SRC: variants seen among roughly 807,000 people sequenced by gnomAD.
SRC encodes proto-oncogene tyrosine-protein kinase Src.
Under a neutral mutation model 62.9 loss-of-function variants are expected in SRC, and 13 were observed. The observed-to-expected ratio is 0.21, with a 90% CI of 0.13 to 0.33. The LOEUF is 0.33. SRC is among the 10% of genes least tolerant of loss of function. The pLI is 1.00. For synonymous variants in SRC, 302 were observed against 317.5 expected (o/e 0.95, Z 0.52); for missense variants, 457 against 737.3 (o/e 0.62, Z 4.40).
intron 2 of SRC, among the ~76,000 whole-genome samples, chr20:37,368,518 CTTTTTTTTTTTTTT>C (rs1352624429): frequency 0.027 from 1,991 of 73,952 alleles, 42 homozygotes; most frequent in African/African-American, 0.061. Context: ...CCTATATTTT[CTTTTTTTTTTTTTT>C]TTTTTTTTTT....
rs1194324702 is a variant in SRC at position 37,384,718 on chromosome 20, G to T, written c.250+315G>T. 6.7e-6 allele frequency among the ~76,000 whole-genome samples: 1 copy of T among 150,262 alleles called. No homozygotes were observed. Among genetic ancestry groups the T allele is most frequent in the African/African-American group, 2.5e-5 (1 of 40,646 alleles). ...GGGCCTGTTGCTGCCTTGGCGCCCA[G>T]TCCTTTTTCGTTGCCTGGGTCCGCC... On this transcript the variant is annotated intron_variant, in intron 4 of 13. Coordinates refer to ENST00000373578, the MANE Select transcript of SRC (RefSeq NM_198291.3). The surrounding 1 kb of genome is among the most constrained non-coding windows in gnomAD (Gnocchi z 6.7).
Position 37,396,033 on chromosome 20 carries a change from AG to A in SRC, c.554-126del, listed in dbSNP as rs1317330907. 37 of 1,329,486 alleles carry A rather than the reference AG, an allele frequency of 2.8e-5. No individual in the cohort carries two copies. The highest frequency in any genetic ancestry group is 3.6e-5 in the Non-Finnish European group (35 of 982,652). The allele number at this position is 1,329,486 out of a possible 1,614,324, so 82.4% of individuals were successfully genotyped here. On this transcript the variant is annotated intron_variant, in intron 7 of 13. Coordinates refer to ENST00000373578, the MANE Select transcript of SRC (RefSeq NM_198291.3). The surrounding 1 kb of genome is among the most constrained non-coding windows in gnomAD (Gnocchi z 6.1). ...GCCCCGGGGCTGGCTGTTGAGAGAC[AG>A]GGTGGGCCTGGGGCCCCGCCTGGGC...
Position 37,394,243 on chromosome 20 carries a change from G to A in SRC, c.519G>A (p.Gly173=), listed in dbSNP as rs756152707. The change falls in exon 7 of 14, where the codon GGG becomes GGA. Residue 173 remains glycine (G), a synonymous_variant. Transcript: ENST00000373578. ...TGCTCAATGCAGAGAACCCGAGAGGGACCTTCCTCGTGCGAGAAAGTGAGA... is the reference window on the plus strand; with the variant it reads ...TGCTCAATGCAGAGAACCCGAGAGGAACCTTCCTCGTGCGAGAAAGTGAGA... ...RLLLNAENPR[G]TFLVRESETT... The A allele has an allele frequency of 5.6e-6, 9 of 1,614,056 alleles. No homozygotes were observed. In the South Asian group the frequency reaches 7.7e-5, roughly 14 times the overall value.
intron 2 of SRC, among the ~76,000 whole-genome samples, chr20:37,372,401 G>A (rs1022562206): frequency 3.3e-5 from 5 of 152,136 alleles, no homozygotes; most frequent in African/African-American, 9.7e-5. Flanking sequence ...TCATCTCAAA[G>A]TATTTTCTAA....
At chr20:37,368,003 A>G (rs781153491) in intron 2 of SRC, among the ~76,000 whole-genome samples, 4 of 152,096 alleles carry the variant, frequency 2.6e-5, no homozygotes, top group Admixed American at 6.6e-5. Flanking sequence ...ATTTTCTCCT[A>G]TTCTGTGGGT....
chr20:37,373,039 T>C (rs1201751163), intron 2 of SRC, among the ~76,000 whole-genome samples: 3 of 151,852 alleles, frequency 2.0e-5, no homozygotes, highest in South Asian at 2.1e-4. Flanking sequence ...TATATACACA[T>C]ATACACATAT....
intron 1 of SRC, among the ~76,000 whole-genome samples, chr20:37,358,291 G>A (rs1489292993): frequency 2.6e-5 from 4 of 152,294 alleles, no homozygotes; most frequent in South Asian, 2.1e-4. Context: ...GTGTGGGCCC[G>A]GGCTCTGGCC....
chr20:37,384,547 G>GA lies in SRC; in HGVS notation c.250+144_250+145insA, dbSNP rs2070418589. The GA allele has an allele frequency of 1.3e-5, 12 of 958,518 alleles. No homozygotes were observed. The African/African-American group carries it at 1.8e-4, about 14-fold the overall frequency. The allele number at this position is 958,518 out of a possible 1,614,324, so 59.4% of individuals were successfully genotyped here. ...CCCCTGGGTGACTTGGGTGTCCGGG[G>GA]GGTGGGGGGGCGGCCGTACACACTG... On this transcript the variant is annotated intron_variant, in intron 4 of 13. Coordinates refer to ENST00000373578, the MANE Select transcript of SRC (RefSeq NM_198291.3). The surrounding 1 kb of genome is among the most constrained non-coding windows in gnomAD (Gnocchi z 6.7).
At chr20:37,355,580 T>A (rs1457747841) in intron 1 of SRC, among the ~76,000 whole-genome samples, 2 of 152,118 alleles carry the variant, frequency 1.3e-5, no homozygotes, top group African/African-American at 4.8e-5. Flanking sequence ...ACCCTGAGGA[T>A]GTACTTGGGA....
chr20:37,345,078 A>T (rs569030005), upstream of SRC, among the ~76,000 whole-genome samples: 32 of 152,238 alleles, frequency 2.1e-4, no homozygotes, highest in African/African-American at 7.2e-4. Context: ...CTCAGCAGGG[A>T]CCTTTGCCCA....
At chr20:37,372,287 C>T (rs920332264) in intron 2 of SRC, among the ~76,000 whole-genome samples, 13 of 152,278 alleles carry the variant, frequency 8.5e-5, no homozygotes, top group South Asian at 2.1e-4. Context: ...CACATCTAGA[C>T]GGTTTCCTTT....
chr20:37,349,517 G>A (rs1046738247), intron 1 of SRC, among the ~76,000 whole-genome samples: 1 of 152,192 alleles, frequency 6.6e-6, no homozygotes, highest in East Asian at 1.9e-4. Context: ...TCATGAAAAT[G>A]GGGACAACAG....
At position 37,396,364 on chromosome 20, in the gene SRC, C is replaced by T. The variant is rs568291704; in HGVS notation, c.703+53C>T. 6 of 1,601,732 alleles carry T rather than the reference C, an allele frequency of 3.7e-6. No individual in the cohort carries two copies. In the Admixed American group the frequency reaches 1.0e-4, roughly 27 times the overall value. ...GGGCGGGCAAAGCCTCAGCTGCAGACTCTGGGGAGGGGCCTTGGAGCCTAG... is the reference window on the plus strand; with the variant it reads ...GGGCGGGCAAAGCCTCAGCTGCAGATTCTGGGGAGGGGCCTTGGAGCCTAG... On this transcript the variant is annotated intron_variant, in intron 8 of 13. Transcript: ENST00000373578. The surrounding 1 kb of genome is among the most constrained non-coding windows in gnomAD (Gnocchi z 6.1).
Position 37,396,340 on chromosome 20 carries a change from G to A in SRC, c.703+29G>A. The A allele has an allele frequency of 6.2e-7, 1 of 1,610,102 alleles. No individual in the cohort carries two copies. The highest frequency in any genetic ancestry group is 1.3e-5 in the African/African-American group (1 of 75,040). On this transcript the variant is annotated intron_variant, in intron 8 of 13. Transcript: ENST00000373578. This position sits in a 1 kb window ranked among gnomAD's most constrained non-coding sequence, Gnocchi z 6.1. The stretch of plus-strand genomic sequence containing the variant: ...AGCCAGCCTCGGAGGGCGGAGGGCG[G>A]GCGGGCAAAGCCTCAGCTGCAGACT...
chr20:37,395,119 C>T (rs986972063), intron 7 of SRC, among the ~76,000 whole-genome samples: 2 of 152,190 alleles, frequency 1.3e-5, no homozygotes, highest in East Asian at 1.9e-4. Context: ...CATGCACCCT[C>T]CCGGGCCATC....
rs2070656335 is a variant in SRC, at chr20:37,396,624, G to A, written c.703+313G>A. 1 of 416,754 alleles carries A rather than the reference G, an allele frequency of 2.4e-6. No individual in the cohort carries two copies. The highest frequency in any genetic ancestry group is 4.4e-6 in the Non-Finnish European group (1 of 225,832). 25.8% of individuals were successfully genotyped at this position (416,754 alleles called of 1,614,324 possible). On this transcript the variant is annotated intron_variant, in intron 8 of 13. Transcript: ENST00000373578. The surrounding 1 kb of genome is among the most constrained non-coding windows in gnomAD (Gnocchi z 6.1). ...CCCTGAGGAGCCCCAGAGTAAGCTGGAAGGGAGGGGACAGAGGCTGGTGTC... is the reference window on the plus strand; with the variant it reads ...CCCTGAGGAGCCCCAGAGTAAGCTGAAAGGGAGGGGACAGAGGCTGGTGTC...
Position 37,404,880 on chromosome 20 carries a change from G to C in SRC, c.*1501G>C. 1 of 233,810 alleles carries C rather than the reference G, an allele frequency of 4.3e-6. No individual in the cohort carries two copies. The highest frequency in any genetic ancestry group is 8.5e-6 in the Non-Finnish European group (1 of 118,146). 14.5% of individuals were successfully genotyped at this position (233,810 alleles called of 1,614,324 possible). On this transcript the variant is annotated 3_prime_UTR_variant, in exon 14 of 14. Coordinates refer to ENST00000373578, the MANE Select transcript of SRC (RefSeq NM_198291.3). ...GGCATCTTGCCAAGGGTCCCTGTGTGTGTGTATGTGTGTGCATGTGTGCGT... is the reference window on the plus strand; with the variant it reads ...GGCATCTTGCCAAGGGTCCCTGTGTCTGTGTATGTGTGTGCATGTGTGCGT...
chr20:37,399,928 C>T (rs1391589827), intron 9 of SRC, among the ~76,000 whole-genome samples, 187 bp from the exon 10 acceptor site: 1 of 152,230 alleles, frequency 6.6e-6, no homozygotes, highest in African/African-American at 2.4e-5. Flanking sequence ...ATGAGGAGCA[C>T]CCTGTCATTG....
chr20:37,405,534 C>T lies in SRC; in HGVS notation c.*2155C>T, dbSNP rs1327382813. ...GGCAGCACTAGTAGCTGGAGGGCTT[C>T]AGGCCAAGGCAGGGGTGACATCAGA... On this transcript the variant is annotated 3_prime_UTR_variant, in exon 14 of 14. Coordinates refer to ENST00000373578, the MANE Select transcript of SRC (RefSeq NM_198291.3). 1.1e-5 allele frequency: 2 copies of T among 178,264 alleles called. No individual in the cohort carries two copies. The highest frequency in any genetic ancestry group is 2.4e-5 in the African/African-American group (1 of 42,272). The allele number at this position is 178,264 out of a possible 1,614,324, so 11.0% of individuals were successfully genotyped here.
Sources: gnomAD v4.1 joint callset for allele counts (sites outside exome capture counted in the v4.1 genomes callset) on GRCh38, gnomAD v4.1.1 for gene constraint, Gnocchi (gnomAD v3.1) non-coding constraint, MANE v1.5 for transcripts, NCBI Gene and HGNC (gene_info 2026-07-23, HGNC 2026-07-21) for gene names.